SLC26A9: variants seen among roughly 807,000 people sequenced by gnomAD.
SLC26A9 encodes the protein solute carrier family 26 member 9, also known as anion transporter/exchanger protein 9.
Under a neutral mutation model 87.1 loss-of-function variants are expected in SLC26A9, and 46 were observed. The ratio of observed to expected loss-of-function variants is 0.53; its 90% CI spans 0.42 to 0.67. The LOEUF is 0.67. Among genes scored for constraint, SLC26A9 ranks in the 30% least tolerant of loss-of-function variants. The pLI is 0.00. For synonymous variants in SLC26A9, 437 were observed against 409.1 expected (o/e 1.07, Z -0.82); for missense variants, 927 against 1,018.3 (o/e 0.91, Z 1.22).
chr1:205,928,282 G>A (rs974395269), intron 8 of SLC26A9: 9 of 570,116 alleles, frequency 1.6e-5, no homozygotes, highest in African/African-American at 3.7e-5. Flanking sequence ...CAAGGTCCCC[G>A]GGCCAGTATG....
chr1:205,920,972 G>T (rs75993272), intron 17 of SLC26A9, among the ~76,000 whole-genome samples: 1 of 152,224 alleles, frequency 6.6e-6, no homozygotes, highest in African/African-American at 2.4e-5. Flanking sequence ...CCTGCCCTGC[G>T]CCTGGTTGAT....
At chr1:205,928,280 C>CTT (rs1659166047) in intron 8 of SLC26A9, 2 of 575,910 alleles carry the variant, frequency 3.5e-6, no homozygotes, top group Non-Finnish European at 6.1e-6. Flanking sequence ...CCCAAGGTCC[C>CTT]CGGGCCAGTA....
rs938297773 is a variant in SLC26A9, at chr1:205,927,157, G to C, written c.1293+54C>G. On this transcript the variant is annotated intron_variant, in intron 11 of 20. Transcript: ENST00000367135. The stretch of plus-strand genomic sequence containing the variant: ...CGTAAAGTGCCACACAACTCTCAGG[G>C]ATTGTTCTTATTGGAGTCTTTCGTT... 1.9e-6 allele frequency: 3 copies of C among 1,583,996 alleles called. No homozygotes were observed. The African/African-American group carries it at 4.0e-5, about 21-fold the overall frequency.
rs565971760 is a variant in SLC26A9, at chr1:205,915,367, G to A, written c.2366C>T (p.Thr789Ile). Residue 789 changes from threonine (T) to isoleucine (I), a missense_variant, in exon 21 of 21, where the codon ACC (threonine) becomes ATC (isoleucine). By Grantham distance (89) the Thr-to-Ile change is moderately conservative (BLOSUM62 -1). Coordinates refer to ENST00000367135, the MANE Select transcript of SLC26A9 (RefSeq NM_052934.4). ...GGACTGGCTGAGCCCTCACAGGGCG[G>A]TCAGGGTCTCTGCGTGAAACATGCT... ...FGSMFHAETLTAL is the reference protein window; with the variant it reads ...FGSMFHAETLIAL 1 of 1,614,150 alleles carries A rather than the reference G, an allele frequency of 6.2e-7. No homozygotes were observed. The highest frequency in any genetic ancestry group is 1.7e-5 in the Admixed American group (1 of 60,016).
At chr1:205,940,322 C>A (rs886121674) in intron 1 of SLC26A9, among the ~76,000 whole-genome samples, 7 of 152,176 alleles carry the variant, frequency 4.6e-5, no homozygotes, top group Admixed American at 1.3e-4. Context: ...CCAATGAGCT[C>A]ATGCCAAAGC....
chr1:205,927,870 T>C, intron 9 of SLC26A9, 32 bp downstream of exon 9: 1 of 1,609,008 alleles, frequency 6.2e-7, no homozygotes, highest in Non-Finnish European at 8.5e-7. Context: ...TGACCTGTCC[T>C]GCCCAGTCCT....
In SLC26A9 at chr1:205,923,553, G is replaced by A. The variant is rs780082424; in HGVS notation, c.1557C>T (p.Thr519=). The A allele has an allele frequency of 6.2e-7, 1 of 1,614,064 alleles. No homozygotes were observed. Among genetic ancestry groups the A allele is most frequent in the African/African-American group, 1.3e-5 (1 of 74,910 alleles). The stretch of plus-strand genomic sequence containing the variant: ...AGCTTGAATTACCTACCCTATTATA[G>A]GTCTTGGGATTCACATAAATGTCAG... ...MDTDIYVNPK[T]YNRAQDIQGI... The change falls in exon 14 of 21, where the codon ACC becomes ACT. Residue 519 remains threonine (T), a synonymous_variant. Transcript: ENST00000367135.
At chr1:205,924,856 T>A in intron 12 of SLC26A9, 1 of 187,066 alleles carries the variant, frequency 5.3e-6, no homozygotes, top group Non-Finnish European at 1.1e-5. Context: ...TGTAGTGCAG[T>A]GGCAAGATCA....
chr1:205,932,525 TG>T (rs1659345037), intron 4 of SLC26A9, among the ~76,000 whole-genome samples, 176 bp downstream of exon 4: 1 of 152,078 alleles, frequency 6.6e-6, no homozygotes, highest in Admixed American at 6.5e-5. Flanking sequence ...AGAGGCTCAG[TG>T]GTTTCTCCAA....
Position 205,932,724 on chromosome 1 carries a change from C to T in SLC26A9, c.354G>A (p.Gly118=). The change falls in exon 4 of 21, where the codon GGG becomes GGA. Residue 118 remains glycine, a synonymous_variant. Coordinates refer to ENST00000367135, the MANE Select transcript of SLC26A9 (RefSeq NM_052934.4). Reference sequence around the variant, plus strand: ...TACCTGGCACCATCTGGTGAACACCCCCCAGGAAGAAGTAGGTCAGGAGGG... The same window carrying T: ...TACCTGGCACCATCTGGTGAACACCTCCCAGGAAGAAGTAGGTCAGGAGGG... The part of the protein sequence containing the change: ...FFPLLTYFFL[G]GVHQMVPGTF... 1.9e-6 allele frequency: 3 copies of T among 1,585,868 alleles called. No homozygotes were observed. The highest frequency in any genetic ancestry group is 1.7e-6 in the Non-Finnish European group (2 of 1,167,142).
intron 7 of SLC26A9, 61 bp from the exon 8 acceptor site, chr1:205,928,970 C>T: frequency 1.3e-6 from 2 of 1,587,030 alleles, no homozygotes; most frequent in Admixed American, 1.7e-5. Context: ...GCAGGCGTCT[C>T]TCTCAAGTCT....
At chr1:205,929,154 CG>C in intron 7 of SLC26A9, 49 bp downstream of exon 7, 1 of 1,584,644 alleles carries the variant, frequency 6.3e-7, no homozygotes. Flanking sequence ...GGGGCTTCCT[CG>C]TCTCACAGCC....
intron 1 of SLC26A9, among the ~76,000 whole-genome samples, chr1:205,941,173 T>C (rs1659728445): frequency 6.6e-6 from 1 of 152,128 alleles, no homozygotes; most frequent in Non-Finnish European, 1.5e-5. Flanking sequence ...TTTGTTTTTT[T>C]GTTTTTGTTT....
chr1:205,936,215 C>G (rs945454633), intron 1 of SLC26A9, among the ~76,000 whole-genome samples: 4 of 152,194 alleles, frequency 2.6e-5, no homozygotes, highest in Admixed American at 1.3e-4. Flanking sequence ...GGTGTCCCCA[C>G]AAGCCATACT....
intron 12 of SLC26A9, among the ~76,000 whole-genome samples, chr1:205,925,475 A>G (rs1307072089): frequency 6.6e-6 from 1 of 152,222 alleles, no homozygotes; most frequent in Non-Finnish European, 1.5e-5. Flanking sequence ...AACCTAAGGG[A>G]ATACCACCAT....
At position 205,913,572 on chromosome 1, in the gene SLC26A9, T is replaced by G. The variant is rs1419301452; in HGVS notation, c.*1785A>C. 1.3e-5 allele frequency: 2 copies of G among 152,652 alleles called. No homozygotes were observed. Among genetic ancestry groups the G allele is most frequent in the Non-Finnish European group, 2.9e-5 (2 of 68,074 alleles). 9.5% of individuals were successfully genotyped at this position (152,652 alleles called of 1,614,324 possible). A position where few individuals can be genotyped will look rare whatever the true frequency, so the allele number is the denominator to read the frequency against. ...TGAGGCTCTGTGACCTTCTCCCACC[T>G]CCTGGGCCTGAGCTGGACTTGGAAG... is the stretch of plus-strand genomic sequence containing the variant. On this transcript the variant is annotated 3_prime_UTR_variant, in exon 21 of 21. Transcript: ENST00000367135.
rs1374305419 is a variant in SLC26A9 at position 205,927,944 on chromosome 1, C to T, written c.1059G>A (p.Arg353=). 9.9e-6 allele frequency: 16 copies of T among 1,614,064 alleles called. No homozygotes were observed. The highest frequency in any genetic ancestry group is 1.4e-5 in the Non-Finnish European group (16 of 1,180,022). ...CGTAGCCGTGCTTGTTGGCCAGGGT[C>T]CGGCCCATAGCCAGGTTGATGACGT... ...VSYVINLAMG[R]TLANKHGYDV... is the part of the protein sequence containing the mutation. The change falls in exon 9 of 21, where the codon CGG becomes CGA. Residue 353 remains arginine, a synonymous_variant. Coordinates refer to ENST00000367135, the MANE Select transcript of SLC26A9 (RefSeq NM_052934.4).
intron 14 of SLC26A9, 54 bp downstream of exon 14, chr1:205,923,490 C>T (rs1658932003): frequency 1.9e-6 from 3 of 1,613,998 alleles, no homozygotes; most frequent in Non-Finnish European, 1.7e-6. Flanking sequence ...AAAGCAACCT[C>T]TTCTTGGGGT....
intron 16 of SLC26A9, among the ~76,000 whole-genome samples, chr1:205,922,173 G>C (rs780921238): frequency 6.6e-5 from 10 of 152,212 alleles, no homozygotes; most frequent in Non-Finnish European, 1.2e-4. Flanking sequence ...GTCTCCCTCT[G>C]TTGCCTAGGC....
Sources: gnomAD v4.1 joint callset for allele counts (sites outside exome capture counted in the v4.1 genomes callset) on GRCh38, gnomAD v4.1.1 for gene constraint, MANE v1.5 for transcripts, NCBI Gene and HGNC (gene_info 2026-07-23, HGNC 2026-07-21) for gene names.